UBR2: variants seen among roughly 807,000 people sequenced by gnomAD.
The protein encoded by UBR2 is E3 ubiquitin-protein ligase UBR2.
UBR2 carries 92 observed loss-of-function variants against 247.9 expected under a neutral mutation model. The observed-to-expected ratio is 0.37, with a 90% CI of 0.31 to 0.44. The LOEUF (loss-of-function observed/expected upper bound fraction) is 0.44. Ranked by LOEUF, UBR2 falls within the 20% of genes least tolerant of loss-of-function variation. The pLI is 1.00. For missense variants in UBR2, 1,613 were observed against 2,112.6 expected (o/e 0.76, Z 4.64); for synonymous variants, 672 against 693.5 (o/e 0.97, Z 0.49).
chr6:42,614,146 C>A (rs1383907619), intron 8 of UBR2, among the ~76,000 whole-genome samples: 1 of 131,788 alleles, frequency 7.6e-6, no homozygotes, highest in Non-Finnish European at 1.6e-5. Flanking sequence ...CACCGCACTG[C>A]AGCCTGGGTG....
Position 42,645,519 on chromosome 6 carries a change from C to A in UBR2, c.2338C>A (p.Arg780=). ...GGTAAATGCTACAGATGAAATCAAG[C>A]GAGAGATTATCCATCAGTTGAGTAT... ...GQVNATDEIK[R]EIIHQLSIKP... Residue 780 remains arginine (R), a synonymous_variant, in exon 21 of 47, where the codon CGA becomes AGA. Coordinates refer to ENST00000372901, the MANE Select transcript of UBR2 (RefSeq NM_001363705.2). 5 of 1,613,706 alleles carry A rather than the reference C, an allele frequency of 3.1e-6. No individual in the cohort carries two copies. Among genetic ancestry groups the A allele is most frequent in the Non-Finnish European group, 4.2e-6 (5 of 1,179,728 alleles).
chr6:42,658,894 C>T (rs1285452665), intron 29 of UBR2, 70 bp downstream of exon 29: 1 of 1,424,354 alleles, frequency 7.0e-7, no homozygotes, highest in East Asian at 2.5e-5. Flanking sequence ...GTTGCGTTTT[C>T]TCCTTGTAAG....
intron 38 of UBR2, among the ~76,000 whole-genome samples, chr6:42,674,787 C>T (rs367560033): frequency 6.6e-6 from 1 of 151,924 alleles, no homozygotes. Context: ...AACAGAAGCA[C>T]TGCTGCTGGC....
chr6:42,591,446 T>A (rs1390157267), intron 2 of UBR2, among the ~76,000 whole-genome samples: 1 of 152,148 alleles, frequency 6.6e-6, no homozygotes. Flanking sequence ...TAAGATATGA[T>A]CTATAAATGT....
intron 15 of UBR2, among the ~76,000 whole-genome samples, chr6:42,639,662 G>A (rs533179774): frequency 1.5e-4 from 23 of 152,158 alleles, no homozygotes; most frequent in Non-Finnish European, 2.6e-4. Flanking sequence ...CAGTTTTTCC[G>A]ATCAGTGGCC....
At chr6:42,566,067 T>C (rs1790760020) in intron 1 of UBR2, among the ~76,000 whole-genome samples, 1 of 152,172 alleles carries the variant, frequency 6.6e-6, no homozygotes, top group South Asian at 2.1e-4. Context: ...TATCTGTTGC[T>C]TACCTCAAAG....
At chr6:42,685,429 G>A (rs1799322468) in intron 44 of UBR2, among the ~76,000 whole-genome samples, 1 of 151,542 alleles carries the variant, frequency 6.6e-6, no homozygotes, top group African/African-American at 2.4e-5. Context: ...ATTCATGAAT[G>A]TTTAATAATT....
intron 1 of UBR2, among the ~76,000 whole-genome samples, chr6:42,573,083 T>C (rs1474625125): frequency 6.6e-6 from 1 of 152,144 alleles, no homozygotes; most frequent in African/African-American, 2.4e-5. Context: ...GTTATTGAGT[T>C]GGTACCTATG....
Position 42,603,600 on chromosome 6 carries a change from C to T in UBR2, c.544C>T (p.His182Tyr). The T allele has an allele frequency of 2.6e-6, 4 of 1,555,324 alleles. No homozygotes were observed. The highest frequency in any genetic ancestry group is 3.4e-6 in the Non-Finnish European group (4 of 1,160,484). Residue 182 changes from histidine to tyrosine, a missense_variant, in exon 5 of 47, where the codon CAT (histidine) becomes TAT (tyrosine). This residue lies in a region of UBR2 where 1,524 missense variants were observed against 1,967.3 expected (regional missense o/e 0.77). Transcript: ENST00000372901. ...TTGTTTCTTTCAGGATCCTCTTGTT[C>T]ATTTATCAGAAGATGTGATAGCAAG... ...EIEEEEDPLV[H>Y]LSEDVIARTY... is the part of the protein sequence containing the mutation.
intron 7 of UBR2, among the ~76,000 whole-genome samples, chr6:42,610,800 A>C (rs969065766): frequency 6.6e-6 from 1 of 151,974 alleles, no homozygotes; most frequent in African/African-American, 2.4e-5. Flanking sequence ...ACAATACTGA[A>C]CTGTACACGT....
intron 4 of UBR2, among the ~76,000 whole-genome samples, chr6:42,599,373 A>G (rs552700097): frequency 4.6e-4 from 70 of 152,278 alleles, no homozygotes; most frequent in African/African-American, 1.7e-3. Flanking sequence ...TTGAGGTTAC[A>G]GTGAGGTATG....
In UBR2 at chr6:42,676,991, A is replaced by G. The variant is rs41273816; in HGVS notation, c.4478+118A>G. 3.1e-3 allele frequency: 2,512 copies of G among 814,926 alleles called. 8 individuals are homozygous for G. The highest frequency in any genetic ancestry group is 4.4e-3 in the Non-Finnish European group (2,188 of 495,680). 50.5% of individuals were successfully genotyped at this position (814,926 alleles called of 1,614,324 possible). A position where few individuals can be genotyped will look rare whatever the true frequency, so the allele number is the denominator to read the frequency against. ...TGTTGTCTGTTGACATGTTTTTAAA[A>G]TAAGACGTGGAGTGATCTGCAGAGC... On this transcript the variant is annotated intron_variant, in intron 40 of 46. Coordinates refer to ENST00000372901, the MANE Select transcript of UBR2 (RefSeq NM_001363705.2).
At chr6:42,655,803 T>G in intron 26 of UBR2, 80 bp downstream of exon 26, 1 of 811,338 alleles carries the variant, frequency 1.2e-6, no homozygotes, top group Non-Finnish European at 1.8e-6. Context: ...TTTTATTTGA[T>G]CATATAGATT....
At chr6:42,634,734 C>A (rs1223942778) in intron 13 of UBR2, among the ~76,000 whole-genome samples, 1 of 152,204 alleles carries the variant, frequency 6.6e-6, no homozygotes, top group African/African-American at 2.4e-5. Flanking sequence ...GGATTACAGG[C>A]GTGGGCCACC....
intron 38 of UBR2, among the ~76,000 whole-genome samples, chr6:42,675,735 G>A (rs749159481): frequency 6.6e-6 from 1 of 152,102 alleles, no homozygotes; most frequent in Non-Finnish European, 1.5e-5. Flanking sequence ...CGAGGTGGGC[G>A]GATTACCTGA....
In UBR2 at chr6:42,689,786, G is replaced by T; in HGVS notation, c.5126+116G>T. The T allele has an allele frequency of 1.1e-6, 1 of 919,018 alleles. No homozygotes were observed. 56.9% of individuals were successfully genotyped at this position (919,018 alleles called of 1,614,324 possible). On this transcript the variant is annotated intron_variant, in intron 46 of 46. Coordinates refer to ENST00000372901, the MANE Select transcript of UBR2 (RefSeq NM_001363705.2). This position sits in a 1 kb window ranked among gnomAD's most constrained non-coding sequence, Gnocchi z 4.0. ...TGGAAGAGGTGGCTGTGTTATCTGT[G>T]GAGTCTTCCAAGGAGGGTGCCCTGT...
rs543777600 is a variant in UBR2 at position 42,584,276 on chromosome 6, G to A, written c.339-7875G>A. ...CTCCCAAAGTACTGAGATTACAGGCGTGAGCCACCTGCACCTGGTTGAGTT... is the reference window on the plus strand; with the variant it reads ...CTCCCAAAGTACTGAGATTACAGGCATGAGCCACCTGCACCTGGTTGAGTT... On this transcript the variant is annotated intron_variant, in intron 2 of 46. Transcript: ENST00000372901. Among the ~76,000 whole-genome samples the A allele has an allele frequency of 9.9e-5, 15 of 152,280 alleles. No homozygotes were observed. In the East Asian group the frequency reaches 2.1e-3, roughly 22 times the overall value.
chr6:42,597,485 A>G (rs766576357), intron 4 of UBR2, among the ~76,000 whole-genome samples: 4 of 151,854 alleles, frequency 2.6e-5, no homozygotes, highest in Non-Finnish European at 4.4e-5. Flanking sequence ...AGTCCCGGCT[A>G]TTCAGGAGGC....
At chr6:42,660,247 C>T (rs1388149713) in intron 30 of UBR2, among the ~76,000 whole-genome samples, 2 of 152,046 alleles carry the variant, frequency 1.3e-5, no homozygotes, top group African/African-American at 4.8e-5. Flanking sequence ...GGAGAGTTAC[C>T]TATGTAAGAG....
Sources: gnomAD v4.1 joint callset for allele counts (sites outside exome capture counted in the v4.1 genomes callset) on GRCh38, gnomAD v4.1.1 for gene constraint, gnomAD v4.1.1 regional missense constraint, Gnocchi (gnomAD v3.1) non-coding constraint, MANE v1.5 for transcripts, NCBI Gene and HGNC (gene_info 2026-07-23, HGNC 2026-07-21) for gene names.